Variants in FRMD7 observed in about 807,000 individuals in gnomAD.
FRMD7 encodes FERM domain containing 7, also known as FERM domain-containing protein 7.
In FRMD7, 14 loss-of-function variants were observed where a neutral mutation model predicts 44.1. That is an observed-to-expected ratio of 0.32 (90% CI 0.21 to 0.50). FRMD7 has a LOEUF of 0.50. Ranked by LOEUF, FRMD7 falls within the 20% of genes least tolerant of loss-of-function variation. The pLI is 0.99. For synonymous variants in FRMD7, 212 were observed against 187.4 expected (o/e 1.13, Z -1.07); for missense variants, 501 against 522.3 (o/e 0.96, Z 0.40).
At chrX:132,086,174 G>A in intron 5 of FRMD7, 140 bp from the exon 6 acceptor site, 1 of 497,412 alleles carries the variant, frequency 2.0e-6, no homozygotes, top group South Asian at 2.7e-5. Flanking sequence ...CACGCTTTAT[G>A]TATATTTATG....
At chrX:132,118,773 A>G (rs1928966395) in intron 1 of FRMD7, among the ~76,000 whole-genome samples, 1 of 110,719 alleles carries the variant, frequency 9.0e-6, no homozygotes, top group Non-Finnish European at 1.9e-5. Flanking sequence ...TCTGCCCTCA[A>G]GTTTAAGATT....
chrX:132,104,700 C>CA (rs1262281926), intron 1 of FRMD7, among the ~76,000 whole-genome samples: 5 of 110,512 alleles, frequency 4.5e-5, no homozygotes, highest in South Asian at 3.8e-4. Flanking sequence ...CTCAAAAAAC[C>CA]AAAAAAACAA....
intron 1 of FRMD7, among the ~76,000 whole-genome samples, chrX:132,124,600 C>T (rs757477476): frequency 8.9e-6 from 1 of 112,022 alleles, no homozygotes; most frequent in Non-Finnish European, 1.9e-5. Context: ...ATAAAATCAA[C>T]ACCAAGTGAC....
intron 1 of FRMD7, among the ~76,000 whole-genome samples, chrX:132,120,137 T>C (rs767086922): frequency 1.4e-3 from 155 of 112,353 alleles, no homozygotes; most frequent in Middle Eastern, 4.6e-3. Context: ...TTTGAAGAAT[T>C]TCTCCAAGTT....
chrX:132,084,462 TA>T, intron 8 of FRMD7, 27 bp downstream of exon 8: 1 of 927,398 alleles, frequency 1.1e-6, no homozygotes, highest in East Asian at 3.1e-5. Context: ...GAACAGAAAG[TA>T]AACGAATTTA....
At chrX:132,084,680 G>T in intron 7 of FRMD7, 95 bp from the exon 8 acceptor site, 1 of 540,081 alleles carries the variant, frequency 1.9e-6, no homozygotes, top group Non-Finnish European at 3.4e-6. Context: ...TAATGAGAGG[G>T]ACCGCCCTTG....
At chrX:132,113,210 C>T (rs1057387457) in intron 1 of FRMD7, among the ~76,000 whole-genome samples, 1 of 112,143 alleles carries the variant, frequency 8.9e-6, no homozygotes, top group African/African-American at 3.2e-5. Flanking sequence ...TTTGTCTCCA[C>T]ATAACACTTT....
chrX:132,095,781 A>G (rs891414434), intron 4 of FRMD7, among the ~76,000 whole-genome samples: 7 of 112,810 alleles, frequency 6.2e-5, no homozygotes, highest in African/African-American at 2.3e-4. Flanking sequence ...TGGGAAACAA[A>G]TAAATGAAGC....
intron 1 of FRMD7, among the ~76,000 whole-genome samples, chrX:132,117,529 CTTTTTTTGTTTG>C (rs1928931571): frequency 9.0e-6 from 1 of 111,427 alleles, no homozygotes; most frequent in South Asian, 3.8e-4. Context: ...ATTGTTTTCT[CTTTTTTTGTTTG>C]TTTTTTTGGC....
chrX:132,089,674 GC>G (rs1400624835), intron 5 of FRMD7, among the ~76,000 whole-genome samples: 3 of 111,813 alleles, frequency 2.7e-5, no homozygotes, highest in Admixed American at 9.5e-5. Context: ...TTAAAAATGG[GC>G]AAAAGATTTG....
At chrX:132,085,834 C>T in intron 6 of FRMD7, 86 bp downstream of exon 6, 1 of 1,029,931 alleles carries the variant, frequency 9.7e-7, no homozygotes, top group Non-Finnish European at 1.4e-6. Flanking sequence ...TGAAACTTCT[C>T]AGGTTTAAGG....
At chrX:132,111,363 C>T (rs1467168301) in intron 1 of FRMD7, among the ~76,000 whole-genome samples, 2 of 111,153 alleles carry the variant, frequency 1.8e-5, no homozygotes, top group South Asian at 3.8e-4. Flanking sequence ...GTCTAGAACT[C>T]CTGAGTTCAA....
At chrX:132,085,183 C>G (rs989642373) in intron 7 of FRMD7, among the ~76,000 whole-genome samples, 3 of 111,723 alleles carry the variant, frequency 2.7e-5, no homozygotes, top group Admixed American at 1.9e-4. Flanking sequence ...ATTACTGCAG[C>G]CTACACCCAT....
intron 1 of FRMD7, among the ~76,000 whole-genome samples, chrX:132,102,640 A>T (rs764920799): frequency 1.8e-5 from 2 of 112,199 alleles, no homozygotes; most frequent in Non-Finnish European, 3.8e-5. Context: ...ATTATGAAAA[A>T]AAAAAAGAAT....
intron 3 of FRMD7, among the ~76,000 whole-genome samples, chrX:132,098,967 C>T (rs1296580120): frequency 8.9e-6 from 1 of 112,096 alleles, no homozygotes; most frequent in Non-Finnish European, 1.9e-5. Context: ...CAGGAATCGG[C>T]ATTTAACAAG....
chrX:132,095,416 T>A (rs1928301948), intron 4 of FRMD7, among the ~76,000 whole-genome samples: 1 of 111,612 alleles, frequency 9.0e-6, no homozygotes, highest in Non-Finnish European at 1.9e-5. Context: ...TTTTATAAAT[T>A]AAAACACTGA....
rs139892531 is a variant in FRMD7, at chrX:132,083,000, A to C, written c.742-474T>G. Among the ~76,000 whole-genome samples, 297 of 112,024 alleles carry C rather than the reference A, an allele frequency of 2.7e-3. 1 individual carries two copies. The highest frequency in any genetic ancestry group is 9.2e-3 in the Middle Eastern group (2 of 218). Reference sequence around the variant, plus strand: ...AGGTGTCACTCTGTTGCCCAGGCTGAAGTGCAGTGGCATGATCATCACTCA... The same window carrying C: ...AGGTGTCACTCTGTTGCCCAGGCTGCAGTGCAGTGGCATGATCATCACTCA... On this transcript the variant is annotated intron_variant, in intron 8 of 11. Coordinates refer to ENST00000298542, the MANE Select transcript of FRMD7 (RefSeq NM_194277.3).
intron 4 of FRMD7, among the ~76,000 whole-genome samples, chrX:132,094,868 C>T (rs1030874236): frequency 2.7e-5 from 3 of 111,132 alleles, no homozygotes; most frequent in Non-Finnish European, 3.8e-5. Context: ...GCCCCTTTTC[C>T]CACCAAATGC....
At chrX:132,114,384 G>T (rs777755263) in intron 1 of FRMD7, among the ~76,000 whole-genome samples, 4 of 111,029 alleles carry the variant, frequency 3.6e-5, no homozygotes, top group Non-Finnish European at 7.6e-5. Context: ...AATGGAATGG[G>T]GAGGCACATG....
Sources: gnomAD v4.1 joint callset for allele counts (sites outside exome capture counted in the v4.1 genomes callset) on GRCh38, gnomAD v4.1.1 for gene constraint, MANE v1.5 for transcripts, NCBI Gene and HGNC (gene_info 2026-07-23, HGNC 2026-07-21) for gene names.